RPTOR: variants seen among roughly 807,000 people sequenced by gnomAD.
RPTOR encodes regulatory-associated protein of mTOR.
A neutral mutation model predicts 169.9 loss-of-function variants in RPTOR; 21 were observed. The observed-to-expected ratio is 0.12, with a 90% CI of 0.09 to 0.18. The LOEUF is 0.18. RPTOR is among the 10% of genes least tolerant of loss of function. The pLI, the probability that RPTOR is intolerant of heterozygous loss-of-function variation, is 1.00. For missense variants in RPTOR, 1,133 were observed against 1,855.9 expected (o/e 0.61, Z 7.16); for synonymous variants, 732 against 753.2 (o/e 0.97, Z 0.46).
intron 2 of RPTOR, among the ~76,000 whole-genome samples, chr17:80,634,388 TGTGC>T (rs2065474811): frequency 7.3e-6 from 1 of 137,706 alleles, no homozygotes; most frequent in African/African-American, 2.8e-5. Flanking sequence ...GTGCATACTG[TGTGC>T]GTGTGCATAC....
chr17:80,885,189 C>T (rs1264339067), intron 17 of RPTOR, 41 bp downstream of exon 17: 1 of 1,542,572 alleles, frequency 6.5e-7, no homozygotes, highest in Non-Finnish European at 8.8e-7. Context: ...GGCACCCAGG[C>T]TGGACCCCGT....
At chr17:80,864,559 C>A (rs1457336561) in intron 13 of RPTOR, among the ~76,000 whole-genome samples, 2 of 152,072 alleles carry the variant, frequency 1.3e-5, no homozygotes, top group African/African-American at 4.8e-5. Flanking sequence ...AATATATTTC[C>A]AAATGGAGGC....
intron 16 of RPTOR, 131 bp downstream of exon 16, chr17:80,884,103 T>A (rs2068215330): frequency 1.1e-6 from 1 of 871,632 alleles, no homozygotes; most frequent in Non-Finnish European, 1.7e-6. Context: ...CTAATAAGAG[T>A]AGGACAGTGG....
chr17:80,716,951 A>G (rs942326884), intron 4 of RPTOR, among the ~76,000 whole-genome samples: 1 of 152,194 alleles, frequency 6.6e-6, no homozygotes, highest in African/African-American at 2.4e-5. Context: ...TACCAGTGCC[A>G]TGCTGTTTTG....
chr17:80,887,944 G>A (rs529096881), intron 17 of RPTOR, among the ~76,000 whole-genome samples: 15 of 152,056 alleles, frequency 9.9e-5, no homozygotes, highest in Admixed American at 1.3e-4. Flanking sequence ...GTCAAGAAGG[G>A]CCAGGCCAGG....
chr17:80,590,300 G>A (rs1295834694), intron 1 of RPTOR, among the ~76,000 whole-genome samples: 3 of 129,102 alleles, frequency 2.3e-5, no homozygotes, highest in Admixed American at 8.5e-5. Context: ...TTAATGGTTG[G>A]GCCGTGTGTT....
At chr17:80,810,193 A>G (rs560931091) in intron 7 of RPTOR, among the ~76,000 whole-genome samples, 3 of 152,132 alleles carry the variant, frequency 2.0e-5, no homozygotes, top group East Asian at 3.8e-4. Context: ...TACCTAAGAA[A>G]TCTTTGCCAA....
rs771848926 is a variant in RPTOR at position 80,883,456 on chromosome 17, T to C, written c.1622T>C (p.Val541Ala). ...ACCATGACGGCTTTCATTCTCGCCG[T>C]GATCGTCAACAGCTATCACACGGGG... is the stretch of plus-strand genomic sequence containing the variant. ...HRTMTAFILA[V>A]IVNSYHTGQE... The change falls in exon 15 of 34, where the codon GTG (valine) becomes GCG (alanine). Residue 541 changes from valine (V) to alanine (A), a missense_variant. Val to Ala is a moderately conservative substitution (Grantham distance 64). Transcript: ENST00000306801. The C allele has an allele frequency of 6.2e-7, 1 of 1,614,018 alleles. No homozygotes were observed.
At chr17:80,653,629 G>A (rs547847450) in intron 3 of RPTOR, among the ~76,000 whole-genome samples, 1 of 152,190 alleles carries the variant, frequency 6.6e-6, no homozygotes, top group African/African-American at 2.4e-5. Context: ...TAGTGGACTG[G>A]GAGCTTGGCA....
chr17:80,900,826 G>T (rs528307415), intron 20 of RPTOR, among the ~76,000 whole-genome samples: 5 of 152,250 alleles, frequency 3.3e-5, no homozygotes, highest in African/African-American at 7.2e-5. Flanking sequence ...GTGCAGAACC[G>T]CACCTTTTGT....
chr17:80,592,020 T>C (rs1190499130), intron 1 of RPTOR, among the ~76,000 whole-genome samples: 1 of 152,244 alleles, frequency 6.6e-6, no homozygotes, highest in Non-Finnish European at 1.5e-5. Flanking sequence ...GATGGATGCT[T>C]ACTCATCCTC....
intron 5 of RPTOR, among the ~76,000 whole-genome samples, chr17:80,745,854 G>A (rs76357918): frequency 1.1e-3 from 170 of 152,322 alleles, no homozygotes; most frequent in African/African-American, 4.0e-3. Flanking sequence ...GGAGCCCAGT[G>A]TTGACGTTTT....
chr17:80,834,504 T>C (rs2067542132), intron 9 of RPTOR, among the ~76,000 whole-genome samples: 1 of 152,144 alleles, frequency 6.6e-6, no homozygotes, highest in Admixed American at 6.5e-5. Flanking sequence ...CAGAACCATC[T>C]GGGGCTGCTT....
chr17:80,834,560 C>T (rs560379169), intron 9 of RPTOR, among the ~76,000 whole-genome samples: 2 of 152,266 alleles, frequency 1.3e-5, no homozygotes, highest in East Asian at 3.9e-4. Flanking sequence ...CCTCCCACCC[C>T]GGGGCTGGAT....
At chr17:80,912,158 G>C (rs568433067) in intron 21 of RPTOR, among the ~76,000 whole-genome samples, 3 of 152,178 alleles carry the variant, frequency 2.0e-5, no homozygotes, top group Non-Finnish European at 4.4e-5. Flanking sequence ...AGCTTTTTAC[G>C]AACATTAATA....
intron 4 of RPTOR, among the ~76,000 whole-genome samples, chr17:80,710,567 T>TTGTGTGTGTGTGTGTG (rs1249250528): frequency 1.8e-5 from 2 of 110,540 alleles, no homozygotes; most frequent in African/African-American, 6.3e-5. Flanking sequence ...CCTTGGTTAT[T>TTGTGTGTGTGTGTGTG]TGTATGTGTG....
At chr17:80,684,445 TTTATTTAA>T (rs1567855841) in intron 3 of RPTOR, among the ~76,000 whole-genome samples, 3 of 97,850 alleles carry the variant, frequency 3.1e-5, no homozygotes, top group African/African-American at 9.6e-5. Context: ...TATTTATTTA[TTTATTTAA>T]TTTTTCTGGA....
At chr17:80,711,639 A>G (rs1406209202) in intron 4 of RPTOR, among the ~76,000 whole-genome samples, 2 of 149,640 alleles carry the variant, frequency 1.3e-5, no homozygotes, top group African/African-American at 5.0e-5. Context: ...ATGCGTTTTT[A>G]GTTCCTCTTG....
At chr17:80,785,749 C>A (rs558825473) in intron 6 of RPTOR, among the ~76,000 whole-genome samples, 4 of 152,268 alleles carry the variant, frequency 2.6e-5, no homozygotes, top group Non-Finnish European at 5.9e-5. Context: ...TCAGCTCTCA[C>A]AGTGACAATG....
Sources: allele counts gnomAD v4.1 joint callset (sites outside exome capture counted in the v4.1 genomes callset), GRCh38; gene constraint gnomAD v4.1.1; transcripts MANE v1.5; gene names NCBI Gene and HGNC (gene_info 2026-07-23, HGNC 2026-07-21).